Variants in SV2C observed in about 807,000 individuals in gnomAD.
SV2C encodes the protein synaptic vesicle glycoprotein 2C, also known as solute carrier family 22 member B3.
SV2C carries 49 observed loss-of-function variants against 79.7 expected under a neutral mutation model. The observed-to-expected ratio is 0.61, with a 90% CI of 0.49 to 0.78. The LOEUF is 0.78. SV2C is among the 30% of genes least tolerant of loss of function. SV2C has a pLI of 0.00. For missense variants in SV2C, 833 were observed against 912.9 expected (o/e 0.91, Z 1.13); for synonymous variants, 334 against 333.2 (o/e 1.00, Z -0.03).
the SV2C span, among the ~76,000 whole-genome samples, chr5:75,973,440 A>C: frequency 6.6e-6 from 1 of 151,900 alleles, no homozygotes; most frequent in Non-Finnish European, 1.5e-5. Flanking sequence ...GGTTACAGTG[A>C]GTTATGATCA....
intron 12 of SV2C, among the ~76,000 whole-genome samples, chr5:76,306,481 A>G (rs1239823611): frequency 6.6e-6 from 1 of 152,232 alleles, no homozygotes; most frequent in Non-Finnish European, 1.5e-5. Context: ...AGTGCAATTT[A>G]TTATCCAGAG....
chr5:76,137,665 G>T (rs781603057), intron 2 of SV2C, among the ~76,000 whole-genome samples: 2 of 152,116 alleles, frequency 1.3e-5, no homozygotes, highest in African/African-American at 4.8e-5. Context: ...AAATTCCTCT[G>T]CATGACACTT....
chr5:76,175,112 A>G (rs1372909040), intron 2 of SV2C, among the ~76,000 whole-genome samples: 1 of 152,212 alleles, frequency 6.6e-6, no homozygotes, highest in Non-Finnish European at 1.5e-5. Context: ...CACTACACGG[A>G]AAAGAGATGA....
At chr5:75,877,052 C>T in the SV2C span, among the ~76,000 whole-genome samples, 2 of 151,930 alleles carry the variant, frequency 1.3e-5, no homozygotes, top group Non-Finnish European at 2.9e-5. Flanking sequence ...CTACAGAAGA[C>T]ACATTTTAGA....
the SV2C span, among the ~76,000 whole-genome samples, chr5:76,027,840 C>G: frequency 6.6e-6 from 1 of 152,144 alleles, no homozygotes; most frequent in African/African-American, 2.4e-5. Context: ...ACTCTGTGCT[C>G]CGTGAATCAT....
chr5:75,925,700 A>G, the SV2C span, among the ~76,000 whole-genome samples: 1 of 151,984 alleles, frequency 6.6e-6, no homozygotes, highest in Non-Finnish European at 1.5e-5. Flanking sequence ...TATTTTCTAT[A>G]TTATGTTCAT....
chr5:76,212,208 C>A (rs1744787043), intron 4 of SV2C, among the ~76,000 whole-genome samples: 2 of 152,158 alleles, frequency 1.3e-5, no homozygotes, highest in South Asian at 4.1e-4. Flanking sequence ...AGTGGAAAAG[C>A]CACTCAGGAA....
intron 12 of SV2C, among the ~76,000 whole-genome samples, chr5:76,314,385 G>A (rs564110488): frequency 5.9e-5 from 9 of 152,078 alleles, no homozygotes; most frequent in Middle Eastern, 6.8e-3. Flanking sequence ...TCAGCTCCCC[G>A]TTCCTCATAA....
At chr5:75,968,245 C>T in the SV2C span, among the ~76,000 whole-genome samples, 218 of 152,160 alleles carry the variant, frequency 1.4e-3, 3 homozygotes, top group East Asian at 0.03. Flanking sequence ...GCAGAAAAAC[C>T]GGAAACTCTA....
the SV2C span, among the ~76,000 whole-genome samples, chr5:75,881,241 C>T: frequency 6.6e-6 from 1 of 152,138 alleles, no homozygotes; most frequent in Non-Finnish European, 1.5e-5. Context: ...ATTCATTTCA[C>T]CTAATTCCTC....
chr5:75,905,676 C>T, the SV2C span, among the ~76,000 whole-genome samples: 3 of 152,056 alleles, frequency 2.0e-5, no homozygotes, highest in Non-Finnish European at 4.4e-5. Flanking sequence ...CTCTAGCTCA[C>T]TCTATGGAGC....
chr5:75,996,608 A>G, the SV2C span, among the ~76,000 whole-genome samples: 304 of 152,038 alleles, frequency 2.0e-3, 1 homozygote, highest in Middle Eastern at 3.4e-3. Context: ...GATTCTTCCT[A>G]CCCATGAGCA....
the SV2C span, among the ~76,000 whole-genome samples, chr5:75,934,302 C>CTTTTTT: frequency 0.027 from 2,924 of 107,624 alleles, 133 homozygotes; most frequent in Middle Eastern, 0.13. Context: ...TTCTTTCTTT[C>CTTTTTT]TTTTTTTTTT....
intron 4 of SV2C, among the ~76,000 whole-genome samples, chr5:76,245,734 C>T (rs957091030): frequency 2.6e-5 from 4 of 152,030 alleles, no homozygotes; most frequent in African/African-American, 9.7e-5. Flanking sequence ...TTGCAGCTGG[C>T]TTGGGGCATT....
the SV2C span, among the ~76,000 whole-genome samples, chr5:75,871,115 T>C: frequency 6.6e-6 from 1 of 152,178 alleles, no homozygotes; most frequent in Admixed American, 6.5e-5. Flanking sequence ...TTATATAATA[T>C]GCCAATAGAT....
the SV2C span, among the ~76,000 whole-genome samples, chr5:75,983,407 G>A: frequency 6.6e-6 from 1 of 152,062 alleles, no homozygotes; most frequent in African/African-American, 2.4e-5. Context: ...CAGAAAGAAG[G>A]TCTGCGGCTT....
chr5:75,916,232 T>A, the SV2C span, among the ~76,000 whole-genome samples: 3 of 149,516 alleles, frequency 2.0e-5, no homozygotes, highest in East Asian at 6.0e-4. Flanking sequence ...CCCCTTCCCC[T>A]TCTGGTTCCT....
chr5:75,871,633 C>T, the SV2C span, among the ~76,000 whole-genome samples: 5 of 151,844 alleles, frequency 3.3e-5, no homozygotes, highest in East Asian at 1.9e-4. Flanking sequence ...CATGGTGAAA[C>T]GCCGTCTCTA....
At chr5:76,067,985 A>ATCTAAAT in the SV2C span, among the ~76,000 whole-genome samples, 10 of 152,130 alleles carry the variant, frequency 6.6e-5, no homozygotes, top group Non-Finnish European at 1.2e-4. Flanking sequence ...ATCCATTTAC[A>ATCTAAAT]GTTCTAAAAC....
Sources: gnomAD v4.1 joint callset for allele counts (sites outside exome capture counted in the v4.1 genomes callset) on GRCh38, gnomAD v4.1.1 for gene constraint, MANE v1.5 for transcripts, NCBI Gene and HGNC (gene_info 2026-07-23, HGNC 2026-07-21) for gene names.